GPC5: variants seen among roughly 807,000 people sequenced by gnomAD.
GPC5 encodes glypican-5.
In GPC5, 47 loss-of-function variants were observed where a neutral mutation model predicts 53.9. That is an observed-to-expected ratio of 0.87 (90% CI 0.69 to 1.11). The LOEUF (loss-of-function observed/expected upper bound fraction) is 1.11, where lower values mean the gene tolerates loss of function less well. Among genes scored for constraint, GPC5 ranks in the 50% most tolerant of loss-of-function variants. The probability of loss-of-function intolerance (pLI) is 0.00; values close to 1 mark genes in which losing one functional copy is unlikely to be tolerated. For synonymous variants in GPC5, 286 were observed against 263.3 expected (o/e 1.09, Z -0.84); for missense variants, 748 against 713.1 (o/e 1.05, Z -0.56).
At chr13:91,761,085 G>T (rs1418019070) in intron 5 of GPC5, among the ~76,000 whole-genome samples, 3 of 152,088 alleles carry the variant, frequency 2.0e-5, no homozygotes, top group Non-Finnish European at 4.4e-5. Context: ...TCAGTTCTCT[G>T]TGATTGCAAA....
At chr13:91,624,556 T>G (rs1437627011) in intron 2 of GPC5, among the ~76,000 whole-genome samples, 1 of 152,068 alleles carries the variant, frequency 6.6e-6, no homozygotes, top group Admixed American at 6.6e-5. Context: ...TCATATAAAA[T>G]CTATGTATAG....
At chr13:91,782,037 T>C (rs1259102075) in intron 5 of GPC5, among the ~76,000 whole-genome samples, 4 of 152,240 alleles carry the variant, frequency 2.6e-5, no homozygotes, top group Non-Finnish European at 5.9e-5. Flanking sequence ...AGTTAAACAA[T>C]TGCCCCTTAA....
At chr13:91,523,306 G>C (rs1885926377) in intron 2 of GPC5, among the ~76,000 whole-genome samples, 1 of 152,152 alleles carries the variant, frequency 6.6e-6, no homozygotes, top group African/African-American at 2.4e-5. Context: ...GTTCATTGCA[G>C]CATTGTATAC....
chr13:91,428,221 G>A (rs1879192059), intron 1 of GPC5, among the ~76,000 whole-genome samples: 1 of 152,176 alleles, frequency 6.6e-6, no homozygotes, highest in South Asian at 2.1e-4. Context: ...ATGACCAAGA[G>A]GAATGAGGCA....
intron 7 of GPC5, among the ~76,000 whole-genome samples, chr13:92,840,618 AT>A (rs1040036478): frequency 1.3e-5 from 2 of 151,966 alleles, no homozygotes; most frequent in Non-Finnish European, 2.9e-5. Flanking sequence ...TTTAGAATGA[AT>A]TTTTCTATTT....
At chr13:92,336,227 T>C (rs2043322010) in intron 7 of GPC5, among the ~76,000 whole-genome samples, 1 of 152,202 alleles carries the variant, frequency 6.6e-6, no homozygotes, top group Non-Finnish European at 1.5e-5. Flanking sequence ...AAAGGGCAGG[T>C]AAAGCAAGGT....
At chr13:91,593,546 C>T (rs143812685) in intron 2 of GPC5, among the ~76,000 whole-genome samples, 2,317 of 152,228 alleles carry the variant, frequency 0.015, 34 homozygotes, top group Middle Eastern at 0.041. Context: ...TAACTCATTT[C>T]TTCAAATTTG....
chr13:92,161,711 C>T (rs533347582), intron 7 of GPC5, among the ~76,000 whole-genome samples: 15 of 151,242 alleles, frequency 9.9e-5, no homozygotes, highest in African/African-American at 2.2e-4. Flanking sequence ...ATTAATAATC[C>T]GAAAGTAATT....
intron 7 of GPC5, among the ~76,000 whole-genome samples, chr13:92,702,529 G>A (rs1001529831): frequency 6.6e-6 from 1 of 151,994 alleles, no homozygotes; most frequent in African/African-American, 2.4e-5. Context: ...TCCGTCAGAA[G>A]CAATAGAAAT....
intron 5 of GPC5, among the ~76,000 whole-genome samples, chr13:91,785,546 C>T (rs1019898633): frequency 2.0e-5 from 3 of 152,220 alleles, no homozygotes; most frequent in Non-Finnish European, 2.9e-5. Flanking sequence ...TCACAAATTT[C>T]AGGCTTGTAT....
chr13:91,991,186 G>A (rs1038988003), intron 6 of GPC5, among the ~76,000 whole-genome samples: 1 of 152,130 alleles, frequency 6.6e-6, no homozygotes, highest in African/African-American at 2.4e-5. Flanking sequence ...TAGAATCATT[G>A]TATTTGTAAA....
intron 6 of GPC5, among the ~76,000 whole-genome samples, chr13:92,071,610 C>A (rs1176583602): frequency 6.6e-6 from 1 of 151,936 alleles, no homozygotes; most frequent in East Asian, 1.9e-4. Context: ...TATGTCAATT[C>A]TTCCACTTGT....
At chr13:91,737,408 AACT>A (rs1199405422) in intron 4 of GPC5, among the ~76,000 whole-genome samples, 1 of 151,392 alleles carries the variant, frequency 6.6e-6, no homozygotes, top group African/African-American at 2.5e-5. Context: ...CTCTAGCAGA[AACT>A]ACTTTCTATA....
At chr13:91,986,167 A>G (rs2040406100) in intron 6 of GPC5, among the ~76,000 whole-genome samples, 1 of 140,690 alleles carries the variant, frequency 7.1e-6, no homozygotes, top group Non-Finnish European at 1.5e-5. Flanking sequence ...CCAGGTTCAT[A>G]CCATTCTCCT....
intron 7 of GPC5, among the ~76,000 whole-genome samples, chr13:92,207,166 T>C (rs2042343670): frequency 6.6e-6 from 1 of 152,190 alleles, no homozygotes; most frequent in Non-Finnish European, 1.5e-5. Context: ...GCAGCAGTAC[T>C]AGTCTAGCAA....
At chr13:91,727,821 G>A (rs2036607265) in intron 3 of GPC5, among the ~76,000 whole-genome samples, 2 of 151,940 alleles carry the variant, frequency 1.3e-5, no homozygotes, top group East Asian at 3.9e-4. Context: ...ATTATACAAG[G>A]TATCATATAA....
intron 1 of GPC5, among the ~76,000 whole-genome samples, chr13:91,421,852 A>G (rs1878657983): frequency 6.6e-6 from 1 of 152,220 alleles, no homozygotes; most frequent in Non-Finnish European, 1.5e-5. Flanking sequence ...TGCTCCATAT[A>G]TTGGAATTTA....
chr13:91,450,315 A>G (rs1881095032), intron 2 of GPC5, among the ~76,000 whole-genome samples: 1 of 152,196 alleles, frequency 6.6e-6, no homozygotes. Context: ...GCCGTTAACC[A>G]TCTACAGAAA....
At chr13:92,744,199 G>T (rs1439512828) in intron 7 of GPC5, among the ~76,000 whole-genome samples, 3 of 151,330 alleles carry the variant, frequency 2.0e-5, no homozygotes, top group African/African-American at 7.3e-5. Flanking sequence ...GAATGGAGAA[G>T]AATGATGCAA....
Sources: gnomAD v4.1 joint callset for allele counts (sites outside exome capture counted in the v4.1 genomes callset) on GRCh38, gnomAD v4.1.1 for gene constraint, MANE v1.5 for transcripts, NCBI Gene and HGNC (gene_info 2026-07-23, HGNC 2026-07-21) for gene names.